The following RFWD3 variants were observed in gnomAD, a reference collection of about 807,000 sequenced individuals.
The protein encoded by RFWD3 is E3 ubiquitin-protein ligase RFWD3.
In RFWD3, 65 loss-of-function variants were observed where a neutral mutation model predicts 87.7. The ratio of observed to expected loss-of-function variants is 0.74; its 90% confidence interval spans 0.61 to 0.91. The LOEUF (loss-of-function observed/expected upper bound fraction) is 0.91, where lower values mean the gene tolerates loss of function less well. Among genes scored for constraint, RFWD3 ranks in the 40% least tolerant of loss-of-function variants. RFWD3 has a pLI of 0.00. For missense variants in RFWD3, 1,078 were observed against 938.5 expected, an observed-to-expected ratio of 1.15 and a Z score of -1.94; for synonymous variants, 433 against 352.8, an observed-to-expected ratio of 1.23 and a Z score of -2.55.
rs1318514627 is a variant in RFWD3, at chr16:74,623,783, G to T, written c.*145C>A. Reference sequence around the variant, plus strand: ...AATCTGTAGTGTCTCAGTGACCTAGGGTCCTAGAATCATACTAATGCAAAC... The same window carrying T: ...AATCTGTAGTGTCTCAGTGACCTAGTGTCCTAGAATCATACTAATGCAAAC... On this transcript the variant is annotated 3_prime_UTR_variant, in exon 13 of 13. Coordinates refer to ENST00000361070, the MANE Select transcript of RFWD3 (RefSeq NM_018124.4). The T allele has an allele frequency of 5.2e-6, 4 of 776,556 alleles. No homozygotes were observed. Among genetic ancestry groups the T allele is most frequent in the Non-Finnish European group, 8.3e-6 (4 of 484,258 alleles). 48.1% of individuals were successfully genotyped at this position (776,556 alleles called of 1,614,324 possible). A position where few individuals can be genotyped will look rare whatever the true frequency, so the allele number is the denominator to read the frequency against.
At chr16:74,627,072 C>G (rs768475904) in intron 11 of RFWD3, among the ~76,000 whole-genome samples, 4 of 152,174 alleles carry the variant, frequency 2.6e-5, no homozygotes, top group Non-Finnish European at 4.4e-5. Context: ...CCAGTCACAA[C>G]AAATCACAGT....
In RFWD3 at chr16:74,640,344, T is replaced by C. The variant is rs543690535; in HGVS notation, c.1080-2374A>G. ...TATTCTTAGTAGAGACACGGTTTCA[T>C]CATGTTGGTCAGGCTGGTCTCGAAC... On this transcript the variant is annotated intron_variant, in intron 6 of 12. Coordinates refer to ENST00000361070, the MANE Select transcript of RFWD3 (RefSeq NM_018124.4). Among the ~76,000 whole-genome samples the C allele has an allele frequency of 1.8e-3, 279 of 151,846 alleles. 1 individual carries two copies. The highest frequency in any genetic ancestry group is 6.5e-3 in the African/African-American group (269 of 41,440).
Position 74,649,297 on chromosome 16 carries a change from C to G in RFWD3, c.722-95G>C. ...TAGCAGGAGAGAGCCTGACTCACTA[C>G]AGCTTCCCATTTCTAACTGACAGTG... is the stretch of plus-strand genomic sequence containing the variant. On this transcript the variant is annotated intron_variant, in intron 3 of 12. Transcript: ENST00000361070. The G allele has an allele frequency of 3.8e-6, 3 of 794,384 alleles. No homozygotes were observed. The South Asian group carries it at 5.0e-5, about 13-fold the overall frequency. The allele number at this position is 794,384 out of a possible 1,614,324, so 49.2% of individuals were successfully genotyped here. A position where few individuals can be genotyped will look rare whatever the true frequency, so the allele number is the denominator to read the frequency against.
chr16:74,666,108 G>C (rs771783157), intron 1 of RFWD3, among the ~76,000 whole-genome samples: 2 of 151,720 alleles, frequency 1.3e-5, no homozygotes, highest in African/African-American at 4.8e-5. Context: ...AGGGAGAGAG[G>C]GAAAGAAGGA....
intron 6 of RFWD3, among the ~76,000 whole-genome samples, chr16:74,643,669 GTTTTTTTTTTTT>G (rs35397997): frequency 9.5e-5 from 10 of 105,054 alleles, no homozygotes; most frequent in Admixed American, 2.0e-4. Flanking sequence ...ACTAGCAACT[GTTTTTTTTTTTT>G]TTTTTTTTTT....
At chr16:74,635,533 G>A (rs1959188765) in intron 8 of RFWD3, among the ~76,000 whole-genome samples, 1 of 151,746 alleles carries the variant, frequency 6.6e-6, no homozygotes, top group Non-Finnish European at 1.5e-5. Flanking sequence ...AGGGGAACAA[G>A]GACAAATCAA....
rs8058922 is a variant in RFWD3, at chr16:74,661,181, G to A, written c.269C>T (p.Thr90Ile). 1 of 1,614,058 alleles carries A rather than the reference G, an allele frequency of 6.2e-7. No individual in the cohort carries two copies. Among genetic ancestry groups the A allele is most frequent in the Non-Finnish European group, 8.5e-7 (1 of 1,180,008 alleles). The change falls in exon 2 of 13, where the codon ACT becomes ATT. Residue 90 changes from threonine to isoleucine, a missense_variant. By Grantham distance (89) the Thr-to-Ile change is moderately conservative. Coordinates refer to ENST00000361070, the MANE Select transcript of RFWD3 (RefSeq NM_018124.4). ...LTEVEVLGED[T>I]VENINPRTSE... ...AGTTCTTGGATTGATGTTCTCCACAGTGTCTTCTCCCAAGACCTCCACTTC... is the reference window on the plus strand; with the variant it reads ...AGTTCTTGGATTGATGTTCTCCACAATGTCTTCTCCCAAGACCTCCACTTC...
chr16:74,638,575 C>T (rs1047058073), intron 6 of RFWD3, among the ~76,000 whole-genome samples: 3 of 151,842 alleles, frequency 2.0e-5, no homozygotes, highest in Admixed American at 2.0e-4. Flanking sequence ...GTAAGATATG[C>T]AAGAAAAAGA....
intron 2 of RFWD3, among the ~76,000 whole-genome samples, chr16:74,656,543 CATG>C (rs2144311815): frequency 6.6e-6 from 1 of 151,978 alleles, no homozygotes; most frequent in African/African-American, 2.4e-5. Context: ...AGTGCAGTGG[CATG>C]ATATTGGCTC....
intron 6 of RFWD3, among the ~76,000 whole-genome samples, chr16:74,639,513 G>C (rs1322941510): frequency 6.6e-6 from 1 of 152,166 alleles, no homozygotes; most frequent in Non-Finnish European, 1.5e-5. Flanking sequence ...AAATACACTT[G>C]TGAAAGACAC....
chr16:74,627,274 AC>A (rs1958966407), intron 11 of RFWD3, among the ~76,000 whole-genome samples: 5 of 152,230 alleles, frequency 3.3e-5, no homozygotes. Flanking sequence ...TACAGTTGTT[AC>A]CTCAGCATCT....
intron 8 of RFWD3, among the ~76,000 whole-genome samples, chr16:74,635,019 G>T (rs938138447): frequency 2.6e-5 from 4 of 152,036 alleles, no homozygotes; most frequent in Non-Finnish European, 4.4e-5. Flanking sequence ...GGTGGCTCAC[G>T]CCTGTAATCC....
At chr16:74,645,268 A>G (rs1005879058) in intron 4 of RFWD3, among the ~76,000 whole-genome samples, 8 of 152,202 alleles carry the variant, frequency 5.3e-5, no homozygotes, top group African/African-American at 1.4e-4. Context: ...ACATTTCTGG[A>G]GCACCATTTG....
intron 1 of RFWD3, chr16:74,666,207 TAGATAGATAGATA>T (rs1961899936): frequency 1.3e-5 from 2 of 150,860 alleles, no homozygotes; most frequent in African/African-American, 2.5e-5. Flanking sequence ...GATAGATAGA[TAGATAGATAGATA>T]GATTGATTAG....
At position 74,661,296 on chromosome 16, in the gene RFWD3, T is replaced by C. The variant is rs992773986; in HGVS notation, c.154A>G (p.Ile52Val). Residue 52 changes from isoleucine (I) to valine (V), a missense_variant, in exon 2 of 13, where the codon ATC becomes GTC. Ile to Val is a conservative substitution (Grantham distance 29, BLOSUM62 3). Transcript: ENST00000361070. ...DVVSSQGVPS[I>V]LQPAPAEVIS... ...ACCTCAGCAGGAGCTGGCTGGAGGA[T>C]GGATGGTACCCCCTGGCTGCTGACC... 1.9e-6 allele frequency: 3 copies of C among 1,613,916 alleles called. No homozygotes were observed. Among genetic ancestry groups the C allele is most frequent in the East Asian group, 2.2e-5 (1 of 44,874 alleles).
chr16:74,661,737 G>C (rs1961458428), intron 1 of RFWD3, among the ~76,000 whole-genome samples: 1 of 152,182 alleles, frequency 6.6e-6, no homozygotes, highest in Non-Finnish European at 1.5e-5. Flanking sequence ...AAACCAAGGA[G>C]ATTAAACTAC....
At chr16:74,631,455 A>G (rs1567568328) in intron 9 of RFWD3, among the ~76,000 whole-genome samples, 2 of 63,214 alleles carry the variant, frequency 3.2e-5, no homozygotes, top group African/African-American at 1.3e-4. Flanking sequence ...CCTGGGTGAC[A>G]GAGTGAGACT....
At chr16:74,629,722 G>A (rs1959035650) in intron 10 of RFWD3, among the ~76,000 whole-genome samples, 1 of 151,058 alleles carries the variant, frequency 6.6e-6, no homozygotes, top group African/African-American at 2.4e-5. Context: ...CTAGGTTTCA[G>A]TAAAGAATTA....
intron 8 of RFWD3, among the ~76,000 whole-genome samples, chr16:74,635,859 TA>T (rs1237802477): frequency 6.6e-6 from 1 of 152,184 alleles, no homozygotes; most frequent in Non-Finnish European, 1.5e-5. Flanking sequence ...AAATTAAGCT[TA>T]AAAACACAAA....
Sources: gnomAD v4.1 joint callset for allele counts (sites outside exome capture counted in the v4.1 genomes callset) on GRCh38, gnomAD v4.1.1 for gene constraint, MANE v1.5 for transcripts, NCBI Gene and HGNC (gene_info 2026-07-23, HGNC 2026-07-21) for gene names.